Variants in ANO3 observed in about 807,000 individuals in gnomAD.
ANO3 encodes anoctamin-3.
ANO3 carries 99 observed loss-of-function variants against 144.8 expected under a neutral mutation model. The observed-to-expected ratio is 0.68, with a 90% CI of 0.58 to 0.81. The LOEUF (loss-of-function observed/expected upper bound fraction) is 0.81. Among genes scored for constraint, ANO3 ranks in the 30% least tolerant of loss-of-function variants. The probability of loss-of-function intolerance (pLI) is 0.00; values close to 1 mark genes in which losing one functional copy is unlikely to be tolerated. For missense variants in ANO3, 905 were observed against 1,202.2 expected (o/e 0.75, Z 3.66); for synonymous variants, 414 against 392.6 (o/e 1.05, Z -0.64).
At chr11:26,296,736 T>C (rs887656124) in intron 1 of ANO3, among the ~76,000 whole-genome samples, 9 of 152,180 alleles carry the variant, frequency 5.9e-5, no homozygotes, top group Non-Finnish European at 1.2e-4. Flanking sequence ...TGAAAAGCAC[T>C]CACCTTTCCA....
chr11:26,422,015 G>T (rs1020400757), intron 1 of ANO3, among the ~76,000 whole-genome samples: 1 of 151,918 alleles, frequency 6.6e-6, no homozygotes. Context: ...TTAATAGCTG[G>T]GTGATGAAGT....
chr11:26,516,781 C>G (rs199969652), intron 5 of ANO3, 46 bp from the exon 6 acceptor site: 2 of 1,333,132 alleles, frequency 1.5e-6, no homozygotes. Context: ...ATGATATCAT[C>G]AGCTCTGATT....
In ANO3 at chr11:26,660,295, T is replaced by C; in HGVS notation, c.2797T>C (p.Tyr933His). Residue 933 changes from tyrosine to histidine, a missense_variant, in exon 27 of 27, where the codon TAC becomes CAC. Physicochemically the swap from Tyr to His is moderately conservative, Grantham distance 83. Transcript: ENST00000256737. ...TTTTGGGATTAAGTCATTCATCGCA[T>C]ACCTGATTCCAGACGTACCAAAGGG... ...LVFGIKSFIA[Y>H]LIPDVPKGLH... 1 of 1,613,292 alleles carries C rather than the reference T, an allele frequency of 6.2e-7. No individual in the cohort carries two copies. The highest frequency in any genetic ancestry group is 8.5e-7 in the Non-Finnish European group (1 of 1,179,558).
rs530104154 is a variant in ANO3, at chr11:26,227,620, C to G, written c.154+38290C>G. 3.3e-5 allele frequency among the ~76,000 whole-genome samples: 5 copies of G among 152,306 alleles called. No individual in the cohort carries two copies. The South Asian group carries it at 8.3e-4, about 25-fold the overall frequency. The stretch of plus-strand genomic sequence containing the variant: ...TGTCTTATAAGAAGCTCTCAACTTT[C>G]ATTTATTCATTCTGAACTACATAAT... On this transcript the variant is annotated intron_variant, in intron 1 of 27. Transcript: ENST00000672621.
At chr11:26,202,365 G>T (rs1851714403) in intron 1 of ANO3, among the ~76,000 whole-genome samples, 1 of 145,986 alleles carries the variant, frequency 6.8e-6, no homozygotes, top group Non-Finnish European at 1.5e-5. Context: ...TATTATATAT[G>T]TGTATTTTAT....
chr11:26,318,190 C>A (rs113296610), intron 1 of ANO3, among the ~76,000 whole-genome samples: 1 of 152,074 alleles, frequency 6.6e-6, no homozygotes, highest in Non-Finnish European at 1.5e-5. Flanking sequence ...CAAACCACCG[C>A]AGCACGTGTA....
chr11:26,233,928 G>T (rs1033332368), intron 1 of ANO3, among the ~76,000 whole-genome samples: 3 of 151,972 alleles, frequency 2.0e-5, no homozygotes, highest in Admixed American at 6.6e-5. Context: ...AACATTACAC[G>T]CAAGGGCCTG....
intron 13 of ANO3, among the ~76,000 whole-genome samples, chr11:26,556,883 C>A (rs1470773651): frequency 4.6e-5 from 7 of 152,088 alleles, no homozygotes; most frequent in Non-Finnish European, 8.8e-5. Flanking sequence ...CCTGGAGAGA[C>A]TTTAGTGGGA....
chr11:26,569,545 A>G (rs992514428), intron 14 of ANO3, among the ~76,000 whole-genome samples: 6 of 152,022 alleles, frequency 3.9e-5, no homozygotes, highest in Non-Finnish European at 5.9e-5. Flanking sequence ...GAACCCCACC[A>G]TGAAATTTTG....
At chr11:26,437,050 G>A (rs1275135202) in intron 1 of ANO3, among the ~76,000 whole-genome samples, 5 of 152,280 alleles carry the variant, frequency 3.3e-5, no homozygotes, top group African/African-American at 7.2e-5. Flanking sequence ...TGGGAGCTCC[G>A]TCTCAGGGAG....
chr11:26,213,260 A>G (rs1222441068), intron 1 of ANO3, among the ~76,000 whole-genome samples: 2 of 152,148 alleles, frequency 1.3e-5, no homozygotes, highest in African/African-American at 2.4e-5. Flanking sequence ...TATTCAACAT[A>G]GTATTGGAAG....
At chr11:26,284,862 C>T (rs537953019) in intron 1 of ANO3, among the ~76,000 whole-genome samples, 66 of 152,108 alleles carry the variant, frequency 4.3e-4, no homozygotes, top group Non-Finnish European at 8.4e-4. Context: ...CCGAGATCGC[C>T]CCACTGCACC....
intron 13 of ANO3, among the ~76,000 whole-genome samples, chr11:26,556,323 TTACTCATAA>T (rs967889863): frequency 3.9e-5 from 6 of 152,038 alleles, no homozygotes; most frequent in African/African-American, 1.4e-4. Flanking sequence ...AAGTTAAGTC[TTACTCATAA>T]TAATTTTCTC....
intron 1 of ANO3, among the ~76,000 whole-genome samples, chr11:26,386,571 T>G (rs569554074): frequency 6.6e-6 from 1 of 152,270 alleles, no homozygotes; most frequent in African/African-American, 2.4e-5. Context: ...CATGTTGCAA[T>G]GGGTTGACGT....
At chr11:26,252,567 T>G (rs1173375439) in intron 1 of ANO3, among the ~76,000 whole-genome samples, 3 of 152,194 alleles carry the variant, frequency 2.0e-5, no homozygotes, top group Non-Finnish European at 4.4e-5. Context: ...GACCACCTGA[T>G]ATTCCTAATT....
At chr11:26,305,172 A>G (rs1468269718), upstream of ANO3, among the ~76,000 whole-genome samples, 5 of 151,412 alleles carry the variant, frequency 3.3e-5, no homozygotes, top group East Asian at 5.8e-4. Context: ...AAAAAAAAAA[A>G]GTAATATTCC....
At chr11:26,647,459 T>C (rs773047852) in intron 23 of ANO3, among the ~76,000 whole-genome samples, 12 of 152,192 alleles carry the variant, frequency 7.9e-5, no homozygotes, top group Non-Finnish European at 4.4e-5. Flanking sequence ...TGTCTCATTG[T>C]TGCAGACATG....
intron 1 of ANO3, among the ~76,000 whole-genome samples, chr11:26,389,912 A>G (rs765916219): frequency 4.6e-5 from 7 of 152,126 alleles, no homozygotes; most frequent in Non-Finnish European, 7.4e-5. Context: ...GTACACCTCT[A>G]CTACGTGCCT....
chr11:26,269,693 G>C (rs1356475788), intron 1 of ANO3, among the ~76,000 whole-genome samples: 1 of 152,150 alleles, frequency 6.6e-6, no homozygotes, highest in Non-Finnish European at 1.5e-5. Context: ...GCACACCTTG[G>C]GAGGTGTGAT....
Sources: gnomAD v4.1 joint callset for allele counts (sites outside exome capture counted in the v4.1 genomes callset) on GRCh38, gnomAD v4.1.1 for gene constraint, MANE v1.5 for transcripts, NCBI Gene and HGNC (gene_info 2026-07-23, HGNC 2026-07-21) for gene names.